EDRF1: variants seen among roughly 807,000 people sequenced by gnomAD.
The protein encoded by EDRF1 is erythroid differentiation-related factor 1.
A neutral mutation model predicts 148.7 loss-of-function variants in EDRF1; 69 were observed. That is an observed-to-expected ratio of 0.46 (90% CI 0.38 to 0.57). EDRF1 has a LOEUF of 0.57. EDRF1 is among the 20% of genes least tolerant of loss of function. The probability of loss-of-function intolerance (pLI) is 0.00; values close to 1 mark genes in which losing one functional copy is unlikely to be tolerated. For synonymous variants in EDRF1, 515 were observed against 532.8 expected (o/e 0.97, Z 0.46); for missense variants, 1,118 against 1,478.7 (o/e 0.76, Z 4.00).
At chr10:125,744,852 C>T (rs1849256501) in intron 18 of EDRF1, 1 of 152,230 alleles carries the variant, frequency 6.6e-6, no homozygotes, top group Non-Finnish European at 1.5e-5. Context: ...ATGCCTGAAA[C>T]TGGAGAGTTT....
At chr10:125,753,992 G>T in intron 24 of EDRF1, 147 bp downstream of exon 24, 2 of 814,282 alleles carry the variant, frequency 2.5e-6, no homozygotes, top group South Asian at 3.2e-5. Context: ...AAGGCAGGCA[G>T]ATCACTTGAG....
rs755680774 is a variant in EDRF1, at chr10:125,745,817, C to T, written c.2701C>T (p.Leu901Phe). 14 of 1,614,124 alleles carry T rather than the reference C, an allele frequency of 8.7e-6. No homozygotes were observed. The highest frequency in any genetic ancestry group is 1.7e-5 in the Admixed American group (1 of 60,014). The part of the protein sequence containing the change: ...ESIEDATNAA[L>F]LLCNTGRLMR... ...AATTGAGGATGCCACCAATGCCGCC[C>T]TTTTATTATGTAACACGGGAAGGCT... Residue 901 changes from leucine (L) to phenylalanine (F), a missense_variant, in exon 19 of 25, where the codon CTT becomes TTT. Coordinates refer to ENST00000356792, the MANE Select transcript of EDRF1 (RefSeq NM_001202438.2).
chr10:125,738,841 G>A (rs1848867320), intron 15 of EDRF1, among the ~76,000 whole-genome samples: 2 of 152,042 alleles, frequency 1.3e-5, no homozygotes, highest in African/African-American at 4.8e-5. Flanking sequence ...CGATAATAAT[G>A]GTTTCTTTAA....
chr10:125,733,723 G>T lies in EDRF1; in HGVS notation c.1365G>T (p.Pro455=). 1.9e-6 allele frequency: 3 copies of T among 1,612,924 alleles called. No homozygotes were observed. The highest frequency in any genetic ancestry group is 2.5e-6 in the Non-Finnish European group (3 of 1,179,050). ...AATACCAAAATCCATTCACAATGCC[G>T]GTAGCCATTCTCTTGTACAAGTGAG... ...EDKYQNPFTM[P]VAILLYKVAC... The change falls in exon 11 of 25, where the codon CCG becomes CCT. Residue 455 remains proline (P), a synonymous_variant. Coordinates refer to ENST00000356792, the MANE Select transcript of EDRF1 (RefSeq NM_001202438.2).
At chr10:125,745,383 C>T in intron 18 of EDRF1, 1 of 361,460 alleles carries the variant, frequency 2.8e-6, no homozygotes, top group Non-Finnish European at 5.2e-6. Context: ...GTCCCTCCCT[C>T]TTTAAAAGGA....
intron 9 of EDRF1, among the ~76,000 whole-genome samples, chr10:125,731,592 TAATCTGG>T (rs2133691072): frequency 6.6e-6 from 1 of 152,280 alleles, no homozygotes; most frequent in East Asian, 1.9e-4. Flanking sequence ...GTTCAGTTGG[TAATCTGG>T]AATCAGAAGG....
intron 14 of EDRF1, 51 bp from the exon 15 acceptor site, chr10:125,738,244 T>C (rs988360021): frequency 6.2e-7 from 1 of 1,606,598 alleles, no homozygotes; most frequent in Non-Finnish European, 8.5e-7. Flanking sequence ...TATTTAGTTT[T>C]CAGTTGACCT....
In EDRF1 at chr10:125,725,842, A is replaced by G; in HGVS notation, c.792+4A>G. On this transcript the variant is annotated splice_donor_region_variant and intron_variant, in intron 6 of 24. Transcript: ENST00000356792. ...AGATCCCAGTGCTTCCAGTCAGGTT[A>G]GTACTTAAATGCTAATTCTAGAAAC... 1 of 1,612,700 alleles carries G rather than the reference A, an allele frequency of 6.2e-7. No homozygotes were observed. Among genetic ancestry groups the G allele is most frequent in the Non-Finnish European group, 8.5e-7 (1 of 1,179,956 alleles).
In EDRF1 at chr10:125,763,302, A is replaced by G. The variant is rs1052372897; in HGVS notation, c.3547A>G (p.Asn1183Asp). Residue 1183 changes from asparagine to aspartate, a missense_variant and splice_region_variant, in exon 25 of 25, where the codon AAT becomes GAT. Asn to Asp is a conservative substitution (Grantham distance 23). Around this residue, in one of 3 missense-constraint regions of EDRF1, gnomAD observed 954 missense variants for 1,241.4 expected, o/e 0.77. Coordinates refer to ENST00000356792, the MANE Select transcript of EDRF1 (RefSeq NM_001202438.2). The surrounding 1 kb of genome is among the most constrained non-coding windows in gnomAD (Gnocchi z 4.3). ...LLSSTKKKTS[N>D]NIEDDTILKT... ...TCTCTTTTTCTTTTTTAACCCTAGC[A>G]ATAACATCGAAGATGACACAATTCT... 1.2e-6 allele frequency: 2 copies of G among 1,612,166 alleles called. No homozygotes were observed. The highest frequency in any genetic ancestry group is 2.7e-5 in the African/African-American group (2 of 74,940).
At chr10:125,759,274 A>G (rs1850072879) in intron 24 of EDRF1, among the ~76,000 whole-genome samples, 1 of 152,198 alleles carries the variant, frequency 6.6e-6, no homozygotes. Flanking sequence ...GCTTACTGGC[A>G]TCTGGCTGCA....
intron 18 of EDRF1, among the ~76,000 whole-genome samples, chr10:125,744,359 A>AC (rs1011910087): frequency 4.6e-5 from 7 of 152,062 alleles, no homozygotes; most frequent in Non-Finnish European, 1.0e-4. Context: ...ATTTTTAAAA[A>AC]TTTTTTTAGA....
chr10:125,734,182 A>G lies in EDRF1; in HGVS notation c.1496A>G (p.Gln499Arg), dbSNP rs139838863. ...LKLLDKSRHPQIIASANYMLS... is the reference protein window; with the variant it reads ...LKLLDKSRHPRIIASANYMLS... Reference sequence around the variant, plus strand: ...TTACTGGACAAAAGTAGGCATCCTCAAGTAAGATTAACATTTATGTATTCT... The same window carrying G: ...TTACTGGACAAAAGTAGGCATCCTCGAGTAAGATTAACATTTATGTATTCT... Residue 499 changes from glutamine to arginine, a missense_variant and splice_region_variant, in exon 12 of 25, where the codon CAA becomes CGA. By Grantham distance (43) the Gln-to-Arg change is conservative. Transcript: ENST00000356792. 6.3e-7 allele frequency: 1 copy of G among 1,586,744 alleles called. No homozygotes were observed. The highest frequency in any genetic ancestry group is 8.7e-7 in the Non-Finnish European group (1 of 1,155,420).
chr10:125,749,589 A>G, intron 22 of EDRF1, 24 bp downstream of exon 22: 5 of 1,612,154 alleles, frequency 3.1e-6, no homozygotes, highest in Non-Finnish European at 4.2e-6. Flanking sequence ...TTCATTTCTC[A>G]GATATGTATG....
In EDRF1 at chr10:125,745,799, G is replaced by T. The variant is rs1052974658; in HGVS notation, c.2683G>T (p.Asp895Tyr). ...KGIHNFESIEDATNAALLLCN... is the reference protein window; with the variant it reads ...KGIHNFESIEYATNAALLLCN... Reference sequence around the variant, plus strand: ...AATTCACAACTTTGAATCAATTGAGGATGCCACCAATGCCGCCCTTTTATT... The same window carrying T: ...AATTCACAACTTTGAATCAATTGAGTATGCCACCAATGCCGCCCTTTTATT... Residue 895 changes from aspartate to tyrosine, a missense_variant, in exon 19 of 25, where the codon GAT (aspartate) becomes TAT (tyrosine). Around this residue, in one of 3 missense-constraint regions of EDRF1, gnomAD observed 954 missense variants for 1,241.4 expected, o/e 0.77. Transcript: ENST00000356792. The T allele has an allele frequency of 6.2e-7, 1 of 1,614,084 alleles. No individual in the cohort carries two copies. Among genetic ancestry groups the T allele is most frequent in the African/African-American group, 1.3e-5 (1 of 74,928 alleles).
intron 4 of EDRF1, 114 bp from the exon 5 acceptor site, chr10:125,725,204 T>G (rs1848197725): frequency 1.6e-6 from 2 of 1,223,856 alleles, no homozygotes; most frequent in Non-Finnish European, 2.4e-6. Context: ...TTAATGAGTA[T>G]GTGTTTATGA....
At chr10:125,720,366 C>A (rs1847923262) in intron 1 of EDRF1, among the ~76,000 whole-genome samples, 1 of 152,150 alleles carries the variant, frequency 6.6e-6, no homozygotes, top group Admixed American at 6.5e-5. Flanking sequence ...AACGAACCCC[C>A]AATGCCTTTC....
chr10:125,729,605 G>A, intron 8 of EDRF1, 126 bp downstream of exon 8: 2 of 1,220,472 alleles, frequency 1.6e-6, no homozygotes, highest in Non-Finnish European at 2.4e-6. Flanking sequence ...CTAGGCGAAA[G>A]AGCAAGACTC....
Position 125,747,608 on chromosome 10 carries a change from G to A in EDRF1, c.2887G>A (p.Val963Met). The A allele has an allele frequency of 6.2e-7, 1 of 1,614,170 alleles. No homozygotes were observed. The highest frequency in any genetic ancestry group is 8.5e-7 in the Non-Finnish European group (1 of 1,180,010). Residue 963 changes from valine to methionine, a missense_variant, in exon 20 of 25, where the codon GTG becomes ATG. This residue lies in a region of EDRF1 where 954 missense variants were observed against 1,241.4 expected (regional missense o/e 0.77). Transcript: ENST00000356792. Reference sequence around the variant, plus strand: ...CATACACCCAGCTGTTTGGGATTCAGTGAACTGGGAATTGTCCACTACTTA... The same window carrying A: ...CATACACCCAGCTGTTTGGGATTCAATGAACTGGGAATTGTCCACTACTTA... ...RDIHPAVWDS[V>M]NWELSTTYFT...
chr10:125,741,298 T>G, intron 17 of EDRF1, 97 bp downstream of exon 17: 1 of 1,087,488 alleles, frequency 9.2e-7, no homozygotes, highest in Non-Finnish European at 1.4e-6. Context: ...AATATTAGAG[T>G]TTTGATATTT....
Sources: gnomAD v4.1 joint callset for allele counts (sites outside exome capture counted in the v4.1 genomes callset) on GRCh38, gnomAD v4.1.1 for gene constraint, gnomAD v4.1.1 regional missense constraint, Gnocchi (gnomAD v3.1) non-coding constraint, MANE v1.5 for transcripts, NCBI Gene and HGNC (gene_info 2026-07-23, HGNC 2026-07-21) for gene names.